Variants in SLC15A5 observed in about 807,000 individuals in gnomAD.
SLC15A5 encodes the protein Peptide/histidine transporter ENSP00000340402.
In SLC15A5, 58 loss-of-function variants were observed where a neutral mutation model predicts 56.1. That is an observed-to-expected ratio of 1.03 (90% CI 0.84 to 1.29). The LOEUF is 1.29. Among genes scored for constraint, SLC15A5 ranks in the 50% most tolerant of loss-of-function variants. The pLI, the probability that SLC15A5 is intolerant of heterozygous loss-of-function variation, is 0.00. For synonymous variants in SLC15A5, 264 were observed against 250.5 expected (o/e 1.05, Z -0.51); for missense variants, 681 against 672.1 (o/e 1.01, Z -0.15).
At chr12:16,260,512 T>G (rs1459863343) in intron 2 of SLC15A5, among the ~76,000 whole-genome samples, 1 of 152,040 alleles carries the variant, frequency 6.6e-6, no homozygotes, top group African/African-American at 2.4e-5. Flanking sequence ...TAGTTTCTTT[T>G]CCTATCATTG....
At chr12:16,264,890 C>T (rs1591660773) in intron 2 of SLC15A5, among the ~76,000 whole-genome samples, 1 of 152,294 alleles carries the variant, frequency 6.6e-6, no homozygotes, top group South Asian at 2.1e-4. Context: ...AAACCTCTTT[C>T]TTTTGTAAAT....
Position 16,271,853 on chromosome 12 carries a change from A to G in SLC15A5, c.584+708T>C, listed in dbSNP as rs1216426176. ...AAAAACACAAAAACCGACGAACTCCATAAGAACTCGTTGGGAGAGACAAAG... is the reference window on the plus strand; with the variant it reads ...AAAAACACAAAAACCGACGAACTCCGTAAGAACTCGTTGGGAGAGACAAAG... On this transcript the variant is annotated intron_variant, in intron 2 of 8. Coordinates refer to ENST00000344941, the MANE Select transcript of SLC15A5 (RefSeq NM_001170798.1). This position sits in a 1 kb window ranked among gnomAD's most constrained non-coding sequence, Gnocchi z 8.0. Among the ~76,000 whole-genome samples the G allele has an allele frequency of 6.6e-6, 1 of 152,234 alleles. No homozygotes were observed. The highest frequency in any genetic ancestry group is 1.5e-5 in the Non-Finnish European group (1 of 68,036).
chr12:16,191,332 G>T (rs1250808528), intron 8 of SLC15A5, among the ~76,000 whole-genome samples: 2 of 152,010 alleles, frequency 1.3e-5, no homozygotes, highest in Non-Finnish European at 2.9e-5. Context: ...GGTGTCTAGG[G>T]TGCTAAAACA....
chr12:16,264,099 TG>T (rs1864669239), intron 2 of SLC15A5, among the ~76,000 whole-genome samples: 2 of 152,128 alleles, frequency 1.3e-5, no homozygotes, highest in South Asian at 4.1e-4. Context: ...GCTTGCACCG[TG>T]TGCCTGGAAA....
At chr12:16,252,010 A>G (rs945887535) in intron 3 of SLC15A5, among the ~76,000 whole-genome samples, 1 of 151,386 alleles carries the variant, frequency 6.6e-6, no homozygotes, top group Non-Finnish European at 1.5e-5. Context: ...AAATCAATCA[A>G]TGTATTACAT....
chr12:16,199,981 A>C (rs991589301), intron 7 of SLC15A5, among the ~76,000 whole-genome samples: 4 of 152,038 alleles, frequency 2.6e-5, no homozygotes, highest in Admixed American at 6.6e-5. Context: ...TCTTGGGCTT[A>C]ATGGGTCACT....
Position 16,194,369 on chromosome 12 carries a change from A to G in SLC15A5, c.1568T>C (p.Leu523Pro). Reference sequence around the variant, plus strand: ...CCTTTGTGAAACACTGCAGAATCCCAGGACGTTCAACAATGTTAATGATGC... The same window carrying G: ...CCTTTGTGAAACACTGCAGAATCCCGGGACGTTCAACAATGTTAATGATGC... The part of the protein sequence containing the change: ...FLASLTLLNV[L>P]GFCSVSQRYC... The change falls in exon 8 of 9, where the codon CTG becomes CCG. Residue 523 changes from leucine to proline, a missense_variant. By Grantham distance (98) the Leu-to-Pro change is moderately conservative. Coordinates refer to ENST00000344941, the MANE Select transcript of SLC15A5 (RefSeq NM_001170798.1). The G allele has an allele frequency of 6.5e-7, 1 of 1,534,416 alleles. No individual in the cohort carries two copies.
intron 7 of SLC15A5, among the ~76,000 whole-genome samples, chr12:16,197,752 CT>C (rs35667399): frequency 0.024 from 3,533 of 146,084 alleles, 91 homozygotes; most frequent in African/African-American, 0.068. Flanking sequence ...TTCTGTATGC[CT>C]TTTTTTTTTT....
At chr12:16,217,805 T>C (rs1864144982) in intron 6 of SLC15A5, among the ~76,000 whole-genome samples, 1 of 151,958 alleles carries the variant, frequency 6.6e-6, no homozygotes. Context: ...AGAGAGACAA[T>C]AGCTTAAGCA....
At chr12:16,247,301 G>T (rs1163337647) in intron 3 of SLC15A5, among the ~76,000 whole-genome samples, 1 of 152,142 alleles carries the variant, frequency 6.6e-6, no homozygotes, top group Non-Finnish European at 1.5e-5. Flanking sequence ...TATGAATGAG[G>T]TCTAAAACTC....
chr12:16,277,328 G>A lies in SLC15A5; in HGVS notation c.358C>T (p.Leu120=). 6.6e-7 allele frequency: 1 copy of A among 1,519,374 alleles called. No individual in the cohort carries two copies. Among genetic ancestry groups the A allele is most frequent in the African/African-American group, 1.4e-5 (1 of 72,572 alleles). 94.1% of individuals were successfully genotyped at this position (1,519,374 alleles called of 1,614,324 possible). The change falls in exon 1 of 9, where the codon CTA becomes TTA. Residue 120 remains leucine, a synonymous_variant. Transcript: ENST00000344941. The stretch of plus-strand genomic sequence containing the variant: ...CCAGTCAGCAGAGGACACTCACCTA[G>A]AAAATGTAGAAACAAGCAAATGTAC... ...LVYICLFLHF[L]GTALLSVVAF... is the part of the protein sequence containing the mutation.
intron 7 of SLC15A5, among the ~76,000 whole-genome samples, chr12:16,197,272 G>T (rs3915246): frequency 6.6e-6 from 1 of 151,718 alleles, no homozygotes; most frequent in Non-Finnish European, 1.5e-5. Flanking sequence ...CTGTATAGCT[G>T]ATTTACATGG....
chr12:16,216,866 A>G (rs75397050), intron 7 of SLC15A5, 27 bp downstream of exon 7: 61,369 of 1,527,394 alleles, frequency 0.04, 1,445 homozygotes, highest in African/African-American at 0.069. Flanking sequence ...CTCAATGTAT[A>G]TAAGCATGCC....
At chr12:16,257,237 T>C (rs1370118790) in intron 3 of SLC15A5, among the ~76,000 whole-genome samples, 2 of 152,044 alleles carry the variant, frequency 1.3e-5, no homozygotes, top group African/African-American at 4.8e-5. Context: ...TAAATAAATA[T>C]AACAAAATAC....
intron 6 of SLC15A5, among the ~76,000 whole-genome samples, chr12:16,219,039 T>TC (rs907827985): frequency 4.6e-5 from 7 of 152,180 alleles, no homozygotes; most frequent in African/African-American, 1.7e-4. Flanking sequence ...TTTAAAGGAA[T>TC]CCCATTTTGC....
chr12:16,230,995 A>G (rs1308800984), intron 5 of SLC15A5, among the ~76,000 whole-genome samples: 4 of 152,170 alleles, frequency 2.6e-5, no homozygotes, highest in Middle Eastern at 3.4e-3. Flanking sequence ...ATGGCCAAGT[A>G]TTTTTCTAAT....
At chr12:16,207,461 A>G (rs547711570) in intron 7 of SLC15A5, among the ~76,000 whole-genome samples, 142 of 152,056 alleles carry the variant, frequency 9.3e-4, no homozygotes, top group African/African-American at 2.9e-3. Flanking sequence ...TTAATTTAAG[A>G]GTAGAGTTTG....
intron 3 of SLC15A5, among the ~76,000 whole-genome samples, chr12:16,251,792 A>G (rs1864521670): frequency 0.012 from 1 of 82 alleles, no homozygotes; most frequent in Non-Finnish European, 0.029. Context: ...AAGACTCTAA[A>G]AAGAGAAACA....
At chr12:16,202,030 G>A (rs2136240226) in intron 7 of SLC15A5, among the ~76,000 whole-genome samples, 1 of 152,270 alleles carries the variant, frequency 6.6e-6, no homozygotes, top group South Asian at 2.1e-4. Flanking sequence ...AAAGCTTCCT[G>A]ACATTGGTCT....
Sources: allele counts gnomAD v4.1 joint callset (sites outside exome capture counted in the v4.1 genomes callset), GRCh38; gene constraint gnomAD v4.1.1; non-coding constraint Gnocchi (gnomAD v3.1); transcripts MANE v1.5; gene names NCBI Gene and HGNC (gene_info 2026-07-23, HGNC 2026-07-21).